The following SORCS1 variants were observed in gnomAD, a reference collection of about 807,000 sequenced individuals.
SORCS1 encodes VPS10 domain-containing receptor SorCS1.
In SORCS1, 60 loss-of-function variants were observed where a neutral mutation model predicts 146.1. The observed-to-expected ratio is 0.41, with a 90% confidence interval of 0.33 to 0.51. The LOEUF is 0.51. Among genes scored for constraint, SORCS1 ranks in the 20% least tolerant of loss-of-function variants. The pLI is 0.21. For missense variants in SORCS1, 1,352 were observed against 1,487.6 expected, an observed-to-expected ratio of 0.91 and a Z score of 1.50; for synonymous variants, 637 against 584.0, an observed-to-expected ratio of 1.09 and a Z score of -1.31.
At chr10:106,622,634 C>T (rs1847827516) in intron 19 of SORCS1, among the ~76,000 whole-genome samples, 1 of 152,140 alleles carries the variant, frequency 6.6e-6, no homozygotes. Flanking sequence ...GATTATAAGC[C>T]AGAGCAGTTC....
chr10:106,589,106 TCAGCTC>T (rs1323527538), intron 24 of SORCS1, among the ~76,000 whole-genome samples: 8 of 152,202 alleles, frequency 5.3e-5, no homozygotes, highest in Admixed American at 1.3e-4. Flanking sequence ...AGGGAACTAG[TCAGCTC>T]CAGCTCTTTT....
intron 2 of SORCS1, among the ~76,000 whole-genome samples, chr10:106,906,580 T>C (rs543247005): frequency 1.3e-5 from 2 of 152,276 alleles, no homozygotes; most frequent in South Asian, 2.1e-4. Context: ...GCAAGACTTA[T>C]TCACTATCCC....
At chr10:106,662,328 T>A (rs1850793541) in intron 17 of SORCS1, among the ~76,000 whole-genome samples, 1 of 152,202 alleles carries the variant, frequency 6.6e-6, no homozygotes, top group African/African-American at 2.4e-5. Context: ...AGAACTTTTT[T>A]TTTTTAAAGG....
chr10:106,876,770 C>G (rs556933237), intron 2 of SORCS1, among the ~76,000 whole-genome samples: 1 of 152,318 alleles, frequency 6.6e-6, no homozygotes, highest in African/African-American at 2.4e-5. Context: ...GTCTTCAGCT[C>G]TTTATTATAT....
At chr10:106,824,244 C>A (rs895948582) in intron 3 of SORCS1, among the ~76,000 whole-genome samples, 5 of 145,794 alleles carry the variant, frequency 3.4e-5, no homozygotes, top group African/African-American at 1.3e-4. Flanking sequence ...GCGGAGGTTG[C>A]GGTTGTGCCA....
At chr10:106,962,661 T>C (rs1955292267) in intron 1 of SORCS1, among the ~76,000 whole-genome samples, 1 of 152,182 alleles carries the variant, frequency 6.6e-6, no homozygotes, top group African/African-American at 2.4e-5. Flanking sequence ...ACAGCACTAT[T>C]TCTTTTGTAT....
chr10:106,892,990 G>A (rs1470961060), intron 2 of SORCS1, among the ~76,000 whole-genome samples: 1 of 150,920 alleles, frequency 6.6e-6, no homozygotes, highest in African/African-American at 2.4e-5. Flanking sequence ...CGCCTCCCAG[G>A]TTCAAGCTAT....
chr10:106,916,571 T>TACACACAC (rs1204911187), intron 2 of SORCS1, among the ~76,000 whole-genome samples: 1 of 124,426 alleles, frequency 8.0e-6, no homozygotes, highest in Non-Finnish European at 1.7e-5. Context: ...TGTGTGCATA[T>TACACACAC]ATATACACAC....
At chr10:106,601,603 T>C (rs1846244093) in intron 23 of SORCS1, among the ~76,000 whole-genome samples, 1 of 152,200 alleles carries the variant, frequency 6.6e-6, no homozygotes, top group Admixed American at 6.5e-5. Flanking sequence ...GAAGATTGAA[T>C]GCAGCACTCA....
At chr10:106,709,114 CT>C in intron 7 of SORCS1, 108 bp downstream of exon 7, 1 of 777,960 alleles carries the variant, frequency 1.3e-6, no homozygotes, top group Non-Finnish European at 2.2e-6. Context: ...CCTTCCCTCC[CT>C]CCCATCCTCT....
intron 23 of SORCS1, among the ~76,000 whole-genome samples, chr10:106,606,106 G>T (rs1846556793): frequency 6.6e-6 from 1 of 152,048 alleles, no homozygotes. Flanking sequence ...AGTGCAACTA[G>T]GCCAAGGCTG....
At chr10:106,669,548 A>G (rs1309256772) in intron 16 of SORCS1, among the ~76,000 whole-genome samples, 1 of 152,222 alleles carries the variant, frequency 6.6e-6, no homozygotes, top group Non-Finnish European at 1.5e-5. Context: ...TGAATGACTT[A>G]AAATCTCATG....
chr10:107,131,215 G>A, intron 1 of SORCS1, among the ~76,000 whole-genome samples: 1 of 152,160 alleles, frequency 6.6e-6, no homozygotes, highest in Non-Finnish European at 1.5e-5. Context: ...TGTTGACACA[G>A]ACATTATTAT....
chr10:106,850,375 T>C (rs1277226831), intron 2 of SORCS1, among the ~76,000 whole-genome samples: 3 of 151,922 alleles, frequency 2.0e-5, no homozygotes, highest in African/African-American at 7.3e-5. Context: ...CCCCTTTCTT[T>C]GACTCGGAAA....
intron 19 of SORCS1, among the ~76,000 whole-genome samples, chr10:106,621,679 C>T (rs1455337249): frequency 2.0e-5 from 3 of 151,970 alleles, no homozygotes; most frequent in Non-Finnish European, 2.9e-5. Flanking sequence ...GTATTCTCTA[C>T]AGTTTGGTGA....
chr10:107,061,207 A>T (rs757766820), intron 1 of SORCS1, among the ~76,000 whole-genome samples: 3 of 152,186 alleles, frequency 2.0e-5, no homozygotes, highest in Admixed American at 6.5e-5. Context: ...AACATATACA[A>T]ACAAAAGATA....
intron 1 of SORCS1, among the ~76,000 whole-genome samples, chr10:107,010,165 G>A (rs2139722018): frequency 6.6e-6 from 1 of 152,328 alleles, no homozygotes; most frequent in Non-Finnish European, 1.5e-5. Context: ...AATATTTGAA[G>A]CCATGGAGTT....
intron 18 of SORCS1, among the ~76,000 whole-genome samples, chr10:106,646,610 C>T (rs1849453670): frequency 1.3e-5 from 2 of 152,108 alleles, no homozygotes; most frequent in Admixed American, 6.5e-5. Context: ...GCAGGAGAAT[C>T]GCTTGACCCC....
intron 1 of SORCS1, among the ~76,000 whole-genome samples, chr10:107,101,876 A>G (rs1964948622): frequency 6.6e-6 from 1 of 152,066 alleles, no homozygotes; most frequent in Admixed American, 6.6e-5. Context: ...AAGTTCTATC[A>G]TGCTTTATCA....
Sources: gnomAD v4.1 joint callset for allele counts (sites outside exome capture counted in the v4.1 genomes callset) on GRCh38, gnomAD v4.1.1 for gene constraint, MANE v1.5 for transcripts, NCBI Gene and HGNC (gene_info 2026-07-23, HGNC 2026-07-21) for gene names.